The following MTMR6 variants were observed in gnomAD, a reference collection of about 807,000 sequenced individuals.
The protein encoded by MTMR6 is phosphatidylinositol-3,5-bisphosphate 3-phosphatase MTMR6.
MTMR6 carries 47 observed loss-of-function variants against 80.1 expected under a neutral mutation model. The ratio of observed to expected loss-of-function variants is 0.59; its 90% confidence interval spans 0.46 to 0.75. The LOEUF (loss-of-function observed/expected upper bound fraction) is 0.75, where lower values mean the gene tolerates loss of function less well. Ranked by LOEUF, MTMR6 falls within the 30% of genes least tolerant of loss-of-function variation. The pLI, the probability that MTMR6 is intolerant of heterozygous loss-of-function variation, is 0.00. For missense variants in MTMR6, 629 were observed against 730.9 expected (o/e 0.86, Z 1.61); for synonymous variants, 254 against 253.0 (o/e 1.00, Z -0.04).
chr13:25,264,069 T>C (rs1309338391), intron 5 of MTMR6, among the ~76,000 whole-genome samples: 2 of 152,014 alleles, frequency 1.3e-5, no homozygotes, highest in African/African-American at 4.8e-5. Flanking sequence ...CAATAACTAA[T>C]GTGGGAAGCA....
At chr13:25,273,998 A>G (rs1957644103) in intron 2 of MTMR6, 73 bp downstream of exon 2, 3 of 1,081,418 alleles carry the variant, frequency 2.8e-6, no homozygotes, top group Admixed American at 2.3e-5. Flanking sequence ...TGTGTTATAC[A>G]CATTCAAAAT....
In MTMR6 at chr13:25,251,694, A is replaced by G. The variant is rs1240746304; in HGVS notation, c.1560T>C (p.Asn520=). The change falls in exon 13 of 14, where the codon AAT becomes AAC. Residue 520 remains asparagine, a synonymous_variant. Transcript: ENST00000381801. The surrounding 1 kb of genome is among the most constrained non-coding windows in gnomAD (Gnocchi z 4.1). ...CTTTCTCTAATTGTTTATTTTGCTC[A>G]TTCATATTCATAATTATATTAAATA... ...QSVFNIIMNM[N]EQNKQLEKDI... 6.4e-7 allele frequency: 1 copy of G among 1,554,432 alleles called. No individual in the cohort carries two copies.
chr13:25,280,062 G>C (rs547817482), intron 1 of MTMR6, among the ~76,000 whole-genome samples: 1 of 152,306 alleles, frequency 6.6e-6, no homozygotes, highest in South Asian at 2.1e-4. Context: ...CTGTGACAGA[G>C]AGGAAGTCCA....
Position 25,269,876 on chromosome 13 carries a change from T to A in MTMR6, c.142-1935A>T, listed in dbSNP as rs546829372. ...TAAGATTTAGCACCATTATCACTTA[T>A]ATTAATGCGCCTGTGACAAGTTACT... On this transcript the variant is annotated intron_variant, in intron 2 of 13. Coordinates refer to ENST00000381801, the MANE Select transcript of MTMR6 (RefSeq NM_004685.5). 7.9e-5 allele frequency among the ~76,000 whole-genome samples: 12 copies of A among 152,240 alleles called. No homozygotes were observed. The East Asian group carries it at 1.9e-3, about 24-fold the overall frequency.
intron 1 of MTMR6, among the ~76,000 whole-genome samples, chr13:25,275,857 G>A (rs1438894252): frequency 2.4e-5 from 3 of 123,264 alleles, no homozygotes; most frequent in East Asian, 5.7e-4. Context: ...GCGAAACTCC[G>A]TCTCAAAAAA....
chr13:25,258,820 A>G (rs1957272379), intron 6 of MTMR6, 128 bp from the exon 7 acceptor site: 1 of 674,672 alleles, frequency 1.5e-6, no homozygotes, highest in South Asian at 3.0e-5. Context: ...AAACTGAATA[A>G]GCTACCATTC....
In MTMR6 at chr13:25,248,241, T is replaced by G. The variant is rs1225695949; in HGVS notation, c.*991A>C. 6.6e-6 allele frequency: 1 copy of G among 152,140 alleles called. No individual in the cohort carries two copies. The highest frequency in any genetic ancestry group is 2.4e-5 in the African/African-American group (1 of 41,452). The allele number at this position is 152,140 out of a possible 1,614,324, so 9.4% of individuals were successfully genotyped here. A position where few individuals can be genotyped will look rare whatever the true frequency, so the allele number is the denominator to read the frequency against. ...AAAAGTTTTTGAGTAAACTGAAAGTTAGATACTCCAGGAACAGCAACTCAT... is the reference window on the plus strand; with the variant it reads ...AAAAGTTTTTGAGTAAACTGAAAGTGAGATACTCCAGGAACAGCAACTCAT... On this transcript the variant is annotated 3_prime_UTR_variant, in exon 14 of 14. Coordinates refer to ENST00000381801, the MANE Select transcript of MTMR6 (RefSeq NM_004685.5).
intron 2 of MTMR6, among the ~76,000 whole-genome samples, chr13:25,268,881 G>A (rs1957510111): frequency 6.6e-6 from 1 of 152,124 alleles, no homozygotes; most frequent in Admixed American, 6.5e-5. Context: ...TGGGGGCCTA[G>A]GAAACCCCCT....
At chr13:25,252,297 A>C (rs1208018142) in intron 11 of MTMR6, among the ~76,000 whole-genome samples, 1 of 152,188 alleles carries the variant, frequency 6.6e-6, no homozygotes, top group Admixed American at 6.5e-5. Flanking sequence ...ACCTACTTCA[A>C]ATCACCACAA....
intron 2 of MTMR6, among the ~76,000 whole-genome samples, chr13:25,271,722 G>C (rs4468451): frequency 0.63 from 95,838 of 152,128 alleles, 35,108 homozygotes; most frequent in Non-Finnish European, 0.83. Flanking sequence ...TTCAGCACTA[G>C]AATGTTGGCT....
chr13:25,250,768 G>A (rs9553570), intron 13 of MTMR6, among the ~76,000 whole-genome samples: 95,930 of 152,070 alleles, frequency 0.63, 35,185 homozygotes, highest in Non-Finnish European at 0.84. Flanking sequence ...CACATAAACA[G>A]TATGGTAACT....
chr13:25,286,589 T>C (rs569047649), intron 1 of MTMR6, among the ~76,000 whole-genome samples: 1 of 152,294 alleles, frequency 6.6e-6, no homozygotes, highest in African/African-American at 2.4e-5. Flanking sequence ...ATAAGGTCAA[T>C]CGAATAAAGC....
rs192053431 is a variant in MTMR6 at position 25,256,424 on chromosome 13, G to A, written c.1095+772C>T. 2.4e-3 allele frequency among the ~76,000 whole-genome samples: 359 copies of A among 152,290 alleles called. 2 individuals are homozygous for A. Among genetic ancestry groups the A allele is most frequent in the African/African-American group, 8.2e-3 (339 of 41,572 alleles). Reference sequence around the variant, plus strand: ...GTCGGTATGTTAGCAGCAAAAAATAGCGGTGCTGAAAAGGGACTGGTGATT... The same window carrying A: ...GTCGGTATGTTAGCAGCAAAAAATAACGGTGCTGAAAAGGGACTGGTGATT... On this transcript the variant is annotated intron_variant, in intron 9 of 13. Transcript: ENST00000381801.
intron 1 of MTMR6, among the ~76,000 whole-genome samples, chr13:25,284,906 T>A (rs1369996214): frequency 1.3e-5 from 2 of 152,210 alleles, no homozygotes; most frequent in Non-Finnish European, 2.9e-5. Flanking sequence ...ACCTAGAAAA[T>A]ATTTATTTGC....
chr13:25,251,983 A>T lies in MTMR6; in HGVS notation c.1348T>A (p.Leu450Met), dbSNP rs1957099343. The part of the protein sequence containing the change: ...NCQKEREELK[L>M]KEKTYSLWPF... ...CACAGGGAATAAGTCTTCTCCTTCA[A>T]CCTTAATATAATGAGAAAAACACAG... The change falls in exon 12 of 14, where the codon TTG becomes ATG. Residue 450 changes from leucine (L) to methionine (M), a missense_variant and splice_region_variant. Physicochemically the swap from Leu to Met is conservative, Grantham distance 15. Transcript: ENST00000381801. This position sits in a 1 kb window ranked among gnomAD's most constrained non-coding sequence, Gnocchi z 4.1. 6 of 1,608,730 alleles carry T rather than the reference A, an allele frequency of 3.7e-6. No homozygotes were observed. Among genetic ancestry groups the T allele is most frequent in the Non-Finnish European group, 5.1e-6 (6 of 1,178,226 alleles).
At position 25,264,775 on chromosome 13, in the gene MTMR6, A is replaced by AAAAAAAAAAAAAAAG. The variant is rs1491106020; in HGVS notation, c.591+1043_591+1044insCTTTTTTTTTTTTTT. ...TCTCAAAAAAAAAAAAAAAAAAAAA[A>AAAAAAAAAAAAAAAG]GAAATTTCAGAACACTGGGGAAAAA... On this transcript the variant is annotated intron_variant, in intron 5 of 13. Coordinates refer to ENST00000381801, the MANE Select transcript of MTMR6 (RefSeq NM_004685.5). 2.3e-4 allele frequency among the ~76,000 whole-genome samples: 31 copies of AAAAAAAAAAAAAAAG among 133,726 alleles called. 2 individuals carry two copies. The East Asian group carries it at 6.5e-3, about 28-fold the overall frequency. 87.7% of individuals were successfully genotyped at this position (133,726 alleles called of 152,430 possible).
Position 25,246,388 on chromosome 13 carries a change from CAT to C in MTMR6, c.*2842_*2843del, listed in dbSNP as rs1300568709. ...CTTATAGTTTACATTGATATCTAGA[CAT>C]ATATCTTAAACAGTCTCCAAATTTT... On this transcript the variant is annotated 3_prime_UTR_variant, in exon 14 of 14. Coordinates refer to ENST00000381801, the MANE Select transcript of MTMR6 (RefSeq NM_004685.5). 1.4e-5 allele frequency: 2 copies of C among 147,486 alleles called. No homozygotes were observed. Among genetic ancestry groups the C allele is most frequent in the East Asian group, 4.0e-4 (2 of 5,044 alleles). 9.1% of individuals were successfully genotyped at this position (147,486 alleles called of 1,614,324 possible). A position where few individuals can be genotyped will look rare whatever the true frequency, so the allele number is the denominator to read the frequency against.
chr13:25,266,771 T>C (rs569910846), intron 3 of MTMR6, among the ~76,000 whole-genome samples: 1 of 152,330 alleles, frequency 6.6e-6, no homozygotes, highest in Non-Finnish European at 1.5e-5. Flanking sequence ...ATCCTTACTA[T>C]AAACTCTGGC....
intron 2 of MTMR6, among the ~76,000 whole-genome samples, chr13:25,268,537 A>G (rs1005993788): frequency 6.6e-6 from 1 of 152,200 alleles, no homozygotes; most frequent in African/African-American, 2.4e-5. Context: ...GAACTTCTAG[A>G]CACATTTCTG....
Sources: allele counts gnomAD v4.1 joint callset (sites outside exome capture counted in the v4.1 genomes callset), GRCh38; gene constraint gnomAD v4.1.1; non-coding constraint Gnocchi (gnomAD v3.1); transcripts MANE v1.5; gene names NCBI Gene and HGNC (gene_info 2026-07-23, HGNC 2026-07-21).